The following CAST variants were observed in gnomAD, a reference collection of about 807,000 sequenced individuals.
CAST encodes MIR583 host.
Under a neutral mutation model 119.6 loss-of-function variants are expected in CAST, and 76 were observed. The ratio of observed to expected loss-of-function variants is 0.64; its 90% CI spans 0.53 to 0.77. CAST has a LOEUF of 0.77. Among genes scored for constraint, CAST ranks in the 30% least tolerant of loss-of-function variants. CAST has a pLI of 0.00. For missense variants in CAST, 953 were observed against 946.5 expected (o/e 1.01, Z -0.09); for synonymous variants, 319 against 331.6 (o/e 0.96, Z 0.41).
At chr5:96,074,710 A>T in the CAST span, among the ~76,000 whole-genome samples, 1 of 152,216 alleles carries the variant, frequency 6.6e-6, no homozygotes, top group Non-Finnish European at 1.5e-5. Context: ...TGGCTCTGAG[A>T]TGGGGAAGAA....
chr5:96,761,869 T>C (rs965258182), intron 24 of CAST: 1 of 156,300 alleles, frequency 6.4e-6, no homozygotes, highest in Non-Finnish European at 1.4e-5. Flanking sequence ...TTTCGCAGTA[T>C]GAATTCCTAG....
chr5:96,696,072 A>C, intron 3 of CAST, 165 bp downstream of exon 3: 1 of 409,810 alleles, frequency 2.4e-6, no homozygotes. Context: ...CTTAATAATG[A>C]TGTGAATGAT....
At chr5:96,298,235 G>T in the CAST span, among the ~76,000 whole-genome samples, 1 of 152,170 alleles carries the variant, frequency 6.6e-6, no homozygotes, top group Non-Finnish European at 1.5e-5. Context: ...CAATCCAGAG[G>T]CCTGGGCTCA....
At chr5:96,419,436 CCT>C in the CAST span, among the ~76,000 whole-genome samples, 1 of 131,106 alleles carries the variant, frequency 7.6e-6, no homozygotes. Context: ...TCTCTCTCTC[CCT>C]CTCTCTCTCT....
chr5:96,737,771 ATG>A, intron 10 of CAST, 76 bp from the exon 11 acceptor site: 1 of 763,250 alleles, frequency 1.3e-6, no homozygotes, highest in South Asian at 1.9e-5. Flanking sequence ...TCTACACAGA[ATG>A]GCTTTTTTTG....
chr5:96,178,573 G>A, the CAST span, among the ~76,000 whole-genome samples: 1 of 152,282 alleles, frequency 6.6e-6, no homozygotes, highest in East Asian at 1.9e-4. Flanking sequence ...CTCTAGAAGG[G>A]GTGATGGGCT....
At chr5:96,580,510 C>T (rs1401925303) in intron 1 of CAST, among the ~76,000 whole-genome samples, 1 of 152,130 alleles carries the variant, frequency 6.6e-6, no homozygotes, top group Non-Finnish European at 1.5e-5. Flanking sequence ...TACAGTGTTT[C>T]TCAAGTTTTA....
At chr5:96,467,415 A>G in the CAST span, among the ~76,000 whole-genome samples, 1 of 152,072 alleles carries the variant, frequency 6.6e-6, no homozygotes, top group East Asian at 1.9e-4. Context: ...TACTGAGATT[A>G]AAAAGAAAAT....
At chr5:96,744,735 A>G (rs2150539832) in intron 16 of CAST, among the ~76,000 whole-genome samples, 1 of 152,286 alleles carries the variant, frequency 6.6e-6, no homozygotes, top group East Asian at 1.9e-4. Flanking sequence ...AGGCTCAGGA[A>G]GGTCACTGTC....
At chr5:96,555,983 A>G (rs1049934555) in intron 1 of CAST, among the ~76,000 whole-genome samples, 2 of 152,248 alleles carry the variant, frequency 1.3e-5, no homozygotes, top group African/African-American at 4.8e-5. Context: ...CTGACACCTC[A>G]CATGGCTGGG....
At chr5:96,383,371 G>A in the CAST span, among the ~76,000 whole-genome samples, 3 of 152,180 alleles carry the variant, frequency 2.0e-5, no homozygotes, top group Non-Finnish European at 4.4e-5. Flanking sequence ...AGTGGGGCAG[G>A]GAGATGACAT....
chr5:95,980,778 T>C, the CAST span, among the ~76,000 whole-genome samples: 3 of 152,090 alleles, frequency 2.0e-5, no homozygotes, highest in African/African-American at 4.8e-5. Context: ...AGAGAAGGCA[T>C]GTCAGGCATC....
the CAST span, among the ~76,000 whole-genome samples, chr5:96,234,286 TGGAA>T: frequency 6.6e-6 from 1 of 152,206 alleles, no homozygotes; most frequent in African/African-American, 2.4e-5. Flanking sequence ...CTGCTGGGGC[TGGAA>T]GGAAGTGTTC....
chr5:96,371,337 A>T, the CAST span, among the ~76,000 whole-genome samples: 1 of 152,196 alleles, frequency 6.6e-6, no homozygotes, highest in Non-Finnish European at 1.5e-5. Context: ...CCTCATGTAG[A>T]TGCTGTACTA....
intron 3 of CAST, among the ~76,000 whole-genome samples, chr5:96,696,509 C>G (rs562863498): frequency 6.6e-6 from 1 of 151,876 alleles, no homozygotes; most frequent in Admixed American, 6.6e-5. Context: ...CAAAGTTTTG[C>G]AACTTATAAA....
the CAST span, among the ~76,000 whole-genome samples, chr5:96,275,172 T>G: frequency 6.6e-6 from 1 of 152,226 alleles, no homozygotes; most frequent in African/African-American, 2.4e-5. Context: ...AGTCTGGGGC[T>G]CTTGCTTGTT....
chr5:96,376,733 C>G, the CAST span, among the ~76,000 whole-genome samples: 4 of 152,204 alleles, frequency 2.6e-5, no homozygotes, highest in Admixed American at 1.3e-4. Flanking sequence ...TGCCACCATA[C>G]CCAGCCCCAT....
the CAST span, among the ~76,000 whole-genome samples, chr5:96,226,045 T>G: frequency 6.6e-6 from 1 of 152,160 alleles, no homozygotes; most frequent in South Asian, 2.1e-4. Context: ...CTGATCAGCT[T>G]CTAATATGTC....
intron 25 of CAST, among the ~76,000 whole-genome samples, chr5:96,763,918 A>G (rs1768878666): frequency 6.6e-6 from 1 of 151,850 alleles, no homozygotes; most frequent in Admixed American, 6.6e-5. Context: ...CTTTTTAACA[A>G]TTTGTTTTCA....
Sources: gnomAD v4.1 joint callset for allele counts (sites outside exome capture counted in the v4.1 genomes callset) on GRCh38, gnomAD v4.1.1 for gene constraint, MANE v1.5 for transcripts, NCBI Gene and HGNC (gene_info 2026-07-23, HGNC 2026-07-21) for gene names.